GPC6: variants seen among roughly 807,000 people sequenced by gnomAD.
GPC6 encodes glypican-6.
Under a neutral mutation model 55.2 loss-of-function variants are expected in GPC6, and 14 were observed. That is an observed-to-expected ratio of 0.25 (90% confidence interval 0.17 to 0.40). The LOEUF (loss-of-function observed/expected upper bound fraction) is 0.40. Ranked by LOEUF, GPC6 falls within the 10% of genes least tolerant of loss-of-function variation. GPC6 has a pLI of 1.00. For synonymous variants in GPC6, 278 were observed against 259.6 expected (o/e 1.07, Z -0.68); for missense variants, 641 against 708.5 (o/e 0.90, Z 1.08).
chr13:93,649,444 G>T (rs921555952), intron 2 of GPC6, among the ~76,000 whole-genome samples: 2 of 152,052 alleles, frequency 1.3e-5, no homozygotes, highest in African/African-American at 2.4e-5. Context: ...AGTGAGACCC[G>T]ATCTCAGCTC....
intron 2 of GPC6, among the ~76,000 whole-genome samples, chr13:93,621,201 A>G (rs1246545655): frequency 1.3e-5 from 2 of 152,096 alleles, no homozygotes; most frequent in Non-Finnish European, 2.9e-5. Flanking sequence ...CTCATCTCAG[A>G]AAGGGAAAAG....
Position 93,840,743 on chromosome 13 carries a change from C to T in GPC6, c.711+10198C>T, listed in dbSNP as rs116205488. On this transcript the variant is annotated intron_variant, in intron 3 of 8. Coordinates refer to ENST00000377047, the MANE Select transcript of GPC6 (RefSeq NM_005708.5). The stretch of plus-strand genomic sequence containing the variant: ...TCAAATACAAGAACTTCCCTGGGAC[C>T]GTGGAAAATGTGTGCAACAAACAGA... 7.1e-3 allele frequency among the ~76,000 whole-genome samples: 1,082 copies of T among 152,126 alleles called. 17 individuals carry two copies. Among genetic ancestry groups the T allele is most frequent in the African/African-American group, 0.025 (1,040 of 41,496 alleles).
At chr13:93,690,858 A>AT (rs1020710122) in intron 2 of GPC6, among the ~76,000 whole-genome samples, 3 of 151,916 alleles carry the variant, frequency 2.0e-5, no homozygotes, top group Non-Finnish European at 2.9e-5. Context: ...TATCTGCAGC[A>AT]TTTTTTTCTT....
intron 4 of GPC6, among the ~76,000 whole-genome samples, chr13:94,034,018 A>C (rs1566315312): frequency 1.3e-5 from 2 of 152,188 alleles, no homozygotes; most frequent in African/African-American, 4.8e-5. Context: ...CTTTTTTAAA[A>C]AAACAAAGAA....
intron 2 of GPC6, among the ~76,000 whole-genome samples, chr13:93,564,272 C>G (rs935677865): frequency 4.6e-5 from 7 of 151,918 alleles, no homozygotes; most frequent in Non-Finnish European, 8.8e-5. Flanking sequence ...TGTAAACTTT[C>G]TGTGTACTCA....
intron 4 of GPC6, among the ~76,000 whole-genome samples, chr13:94,050,162 A>G (rs913299150): frequency 6.6e-6 from 1 of 152,060 alleles, no homozygotes. Context: ...TTTTTTCTCC[A>G]TCTCTTGAAC....
At chr13:94,325,369 G>T (rs561075755) in intron 6 of GPC6, among the ~76,000 whole-genome samples, 3 of 152,150 alleles carry the variant, frequency 2.0e-5, no homozygotes, top group African/African-American at 7.2e-5. Flanking sequence ...CAGTCTGGAC[G>T]CCAGTAACTA....
At position 93,315,169 on chromosome 13, in the gene GPC6, A is replaced by G. The variant is rs554973514; in HGVS notation, c.160+87553A>G. 3.9e-5 allele frequency among the ~76,000 whole-genome samples: 6 copies of G among 152,264 alleles called. No homozygotes were observed. The South Asian group carries it at 1.2e-3, about 32-fold the overall frequency. ...ATTTTTTTATTAAGATCTAAATTTT[A>G]AAACATTACATCCTTTTAAAACATT... On this transcript the variant is annotated intron_variant, in intron 1 of 8. Transcript: ENST00000377047.
intron 3 of GPC6, among the ~76,000 whole-genome samples, chr13:93,844,931 G>A (rs978397378): frequency 2.6e-5 from 4 of 152,082 alleles, no homozygotes; most frequent in African/African-American, 9.6e-5. Flanking sequence ...TTTTTCTGAG[G>A]TTTGTCAAAG....
At chr13:93,315,403 C>T (rs1194815620) in intron 1 of GPC6, among the ~76,000 whole-genome samples, 1 of 151,862 alleles carries the variant, frequency 6.6e-6, no homozygotes, top group Non-Finnish European at 1.5e-5. Flanking sequence ...TTAGAAAATA[C>T]TCTTTAATCA....
At chr13:93,398,188 C>T (rs374033510) in intron 1 of GPC6, among the ~76,000 whole-genome samples, 27 of 152,280 alleles carry the variant, frequency 1.8e-4, no homozygotes, top group African/African-American at 6.5e-4. Context: ...AATAGAACCA[C>T]CCACAAGAAA....
At chr13:93,908,585 C>G (rs1282613824) in intron 3 of GPC6, among the ~76,000 whole-genome samples, 1 of 152,178 alleles carries the variant, frequency 6.6e-6, no homozygotes. Context: ...TCCTAATTCT[C>G]TCCTTCTAAG....
chr13:94,161,388 G>A (rs1315883059), intron 4 of GPC6, among the ~76,000 whole-genome samples: 1 of 152,172 alleles, frequency 6.6e-6, no homozygotes, highest in Non-Finnish European at 1.5e-5. Context: ...ATTGGCATAT[G>A]TCCTTGGTGT....
At chr13:93,442,224 T>A (rs1877832529) in intron 1 of GPC6, among the ~76,000 whole-genome samples, 2 of 151,988 alleles carry the variant, frequency 1.3e-5, no homozygotes, top group South Asian at 4.2e-4. Flanking sequence ...AGTAAAGACA[T>A]AATGAAAAGG....
intron 1 of GPC6, among the ~76,000 whole-genome samples, chr13:93,282,748 T>C (rs1877994255): frequency 8.0e-6 from 1 of 125,060 alleles, no homozygotes; most frequent in East Asian, 2.4e-4. Flanking sequence ...CTCTTTTACA[T>C]GGTTCTTTTG....
chr13:93,595,072 TTTTC>T (rs1877666004), intron 2 of GPC6, among the ~76,000 whole-genome samples: 1 of 152,124 alleles, frequency 6.6e-6, no homozygotes. Flanking sequence ...TTGACATTCT[TTTTC>T]TATGTAGTTT....
Position 94,398,586 on chromosome 13 carries a change from G to C in GPC6, c.1410G>C (p.Met470Ile). The change falls in exon 8 of 9, where the codon ATG becomes ATC. Residue 470 changes from methionine to isoleucine, a missense_variant. By Grantham distance (10) the Met-to-Ile change is conservative (BLOSUM62 1). Coordinates refer to ENST00000377047, the MANE Select transcript of GPC6 (RefSeq NM_005708.5). The part of the protein sequence containing the change: ...IRQQIMALRV[M>I]TNKLKNAYNG... ...AGCAGATTATGGCTCTCCGTGTGAT[G>C]ACCAACAAACTAAAAAACGCCTACA... 1 of 1,614,094 alleles carries C rather than the reference G, an allele frequency of 6.2e-7. No individual in the cohort carries two copies. The highest frequency in any genetic ancestry group is 1.3e-5 in the African/African-American group (1 of 75,036).
chr13:94,054,207 C>T (rs1267358688), intron 4 of GPC6, among the ~76,000 whole-genome samples: 6 of 152,166 alleles, frequency 3.9e-5, no homozygotes, highest in Admixed American at 2.0e-4. Flanking sequence ...ATACCCGCCC[C>T]GCCATTCCTA....
chr13:94,181,106 T>A (rs1384216982), intron 4 of GPC6, among the ~76,000 whole-genome samples: 3 of 152,206 alleles, frequency 2.0e-5, no homozygotes, highest in Non-Finnish European at 2.9e-5. Context: ...ACCAGAGAGC[T>A]CTGGACTCAT....
Sources: gnomAD v4.1 joint callset for allele counts (sites outside exome capture counted in the v4.1 genomes callset) on GRCh38, gnomAD v4.1.1 for gene constraint, MANE v1.5 for transcripts, NCBI Gene and HGNC (gene_info 2026-07-23, HGNC 2026-07-21) for gene names.